CEP170B: variants seen among roughly 807,000 people sequenced by gnomAD.
CEP170B encodes the protein centrosomal protein of 170 kDa protein B.
A neutral mutation model predicts 120.6 loss-of-function variants in CEP170B; 55 were observed. The observed-to-expected ratio is 0.46, with a 90% CI of 0.37 to 0.57. The LOEUF is 0.57. CEP170B is among the 20% of genes least tolerant of loss of function. The pLI, the probability that CEP170B is intolerant of heterozygous loss-of-function variation, is 0.00. For missense variants in CEP170B, 2,212 were observed against 2,253.3 expected (o/e 0.98, Z 0.37); for synonymous variants, 1,033 against 954.5 (o/e 1.08, Z -1.52).
intron 2 of CEP170B, among the ~76,000 whole-genome samples, chr14:104,875,626 G>C (rs142894522): frequency 1.0e-3 from 157 of 152,250 alleles, no homozygotes; most frequent in Non-Finnish European, 1.7e-3. Flanking sequence ...AGCCGTGCTC[G>C]CAGCGCTTAA....
rs537422917 is a variant in CEP170B, at chr14:104,895,113, C to T, written c.*155C>T. ...GGTGCCTCCCACGCCCTTGCCCCCT[C>T]GTCAGCTCCCAGCCAGCACCCTACT... On this transcript the variant is annotated 3_prime_UTR_variant, in exon 19 of 19. Coordinates refer to ENST00000414716, the MANE Select transcript of CEP170B (RefSeq NM_001112726.3). The T allele has an allele frequency of 7.6e-5, 62 of 815,100 alleles. 2 individuals are homozygous for T. The South Asian group carries it at 1.0e-3, about 13-fold the overall frequency. The allele number at this position is 815,100 out of a possible 1,614,324, so 50.5% of individuals were successfully genotyped here. A position where few individuals can be genotyped will look rare whatever the true frequency, so the allele number is the denominator to read the frequency against.
At position 104,867,748 on chromosome 14, in the gene CEP170B, T is replaced by C. The variant is rs1895270264; in HGVS notation, c.-27-676T>C. Among the ~76,000 whole-genome samples the C allele has an allele frequency of 6.6e-6, 1 of 152,158 alleles. No individual in the cohort carries two copies. Among genetic ancestry groups the C allele is most frequent in the Non-Finnish European group, 1.5e-5 (1 of 68,012 alleles). On this transcript the variant is annotated intron_variant, in intron 1 of 18. Coordinates refer to ENST00000414716, the MANE Select transcript of CEP170B (RefSeq NM_001112726.3). The surrounding 1 kb of genome is among the most constrained non-coding windows in gnomAD (Gnocchi z 5.4). ...CTCTTTGTTGATGTCACTGGGACTA[T>C]GGGCACCAAAGCCTCACTTCCCTCT...
chr14:104,892,470 C>G (rs1896891712), intron 13 of CEP170B, among the ~76,000 whole-genome samples: 1 of 152,008 alleles, frequency 6.6e-6, no homozygotes, highest in South Asian at 2.1e-4. Context: ...CTGCCCAGCC[C>G]CACCCTCTGC....
At position 104,895,004 on chromosome 14, in the gene CEP170B, G is replaced by T; in HGVS notation, c.*46G>T. The T allele has an allele frequency of 6.8e-7, 1 of 1,467,970 alleles. No homozygotes were observed. 90.9% of individuals were successfully genotyped at this position (1,467,970 alleles called of 1,614,324 possible). ...AGCCTCCCTGTGCGTGTGCGTCTCT[G>T]CCTTCCGTCCGCCGCACACCCGCCT... is the stretch of plus-strand genomic sequence containing the variant. On this transcript the variant is annotated 3_prime_UTR_variant, in exon 19 of 19. Transcript: ENST00000414716.
In CEP170B at chr14:104,883,234, G is replaced by C. The variant is rs752495868; in HGVS notation, c.777G>C (p.Ala259=). The C allele has an allele frequency of 2.5e-6, 4 of 1,610,768 alleles. No homozygotes were observed. The highest frequency in any genetic ancestry group is 3.4e-6 in the Non-Finnish European group (4 of 1,179,446). Residue 259 remains alanine (A), a synonymous_variant, in exon 8 of 19, where the codon GCG becomes GCC. Coordinates refer to ENST00000414716, the MANE Select transcript of CEP170B (RefSeq NM_001112726.3). Reference sequence around the variant, plus strand: ...ATGCAGAGGCAGGTGGGGGCGGAGCGGCCCCTGTGGTGCAGAGCCACGCCT... The same window carrying C: ...ATGCAGAGGCAGGTGGGGGCGGAGCCGCCCCTGTGGTGCAGAGCCACGCCT... ...TKDAEAGGGG[A]APVVQSHASF...
Position 104,895,065 on chromosome 14 carries a change from CAT to C in CEP170B, c.*108_*109del. On this transcript the variant is annotated 3_prime_UTR_variant, in exon 19 of 19. Coordinates refer to ENST00000414716, the MANE Select transcript of CEP170B (RefSeq NM_001112726.3). ...AGGTGGTTCTCCCTGAAGACCCCCA[CAT>C]GTGCCATATCCCTGTGGGCGGGTGC... The C allele has an allele frequency of 7.7e-7, 1 of 1,294,620 alleles. No homozygotes were observed. The highest frequency in any genetic ancestry group is 1.0e-6 in the Non-Finnish European group (1 of 963,090). The allele number at this position is 1,294,620 out of a possible 1,614,324, so 80.2% of individuals were successfully genotyped here.
At chr14:104,878,730 C>T (rs1377132053) in intron 5 of CEP170B, among the ~76,000 whole-genome samples, 7 of 152,200 alleles carry the variant, frequency 4.6e-5, no homozygotes, top group Admixed American at 1.3e-4. Context: ...TGACAGGTGG[C>T]GGGGGCACCG....
intron 2 of CEP170B, among the ~76,000 whole-genome samples, chr14:104,871,019 G>A (rs1001552930): frequency 1.8e-4 from 26 of 146,242 alleles, no homozygotes; most frequent in African/African-American, 6.7e-4. Context: ...ACAGCCCCAT[G>A]TCCAGCCCCT....
rs1032956772 is a variant in CEP170B, at chr14:104,870,878, G to A, written c.105+2323G>A. On this transcript the variant is annotated intron_variant, in intron 2 of 18. Coordinates refer to ENST00000414716, the MANE Select transcript of CEP170B (RefSeq NM_001112726.3). This position sits in a 1 kb window ranked among gnomAD's most constrained non-coding sequence, Gnocchi z 4.1. ...CTCAGGGAGGCCTTGCAGGTGTGGC[G>A]AGTGTGGGAAGGCTGTCTGCCTCCC... 5.9e-5 allele frequency among the ~76,000 whole-genome samples: 9 copies of A among 152,020 alleles called. No homozygotes were observed. The highest frequency in any genetic ancestry group is 1.2e-4 in the Non-Finnish European group (8 of 67,972).
At position 104,884,967 on chromosome 14, in the gene CEP170B, G is replaced by A. The variant is rs1396862475; in HGVS notation, c.1771-402G>A. On this transcript the variant is annotated intron_variant, in intron 9 of 18. Transcript: ENST00000414716. ...GGGAACGGGGGGTGGAGGCGATGCC[G>A]GGGGTGGCGAGTGAGAGCCCTCGTG... 1.3e-3 allele frequency among the ~76,000 whole-genome samples: 165 copies of A among 124,432 alleles called. 1 individual carries two copies. The highest frequency in any genetic ancestry group is 4.4e-3 in the African/African-American group (146 of 33,366). The allele number at this position is 124,432 out of a possible 152,430, so 81.6% of individuals were successfully genotyped here.
rs61995991 is a variant in CEP170B at position 104,872,428 on chromosome 14, C to T, written c.106-3828C>T. ...GTGGGTGTGCCGTGGGTGTGCCGTG[C>T]GTGTGTGCGTGTGTGTGCCATGTGT... is the stretch of plus-strand genomic sequence containing the variant. On this transcript the variant is annotated intron_variant, in intron 2 of 18. Coordinates refer to ENST00000414716, the MANE Select transcript of CEP170B (RefSeq NM_001112726.3). 4.4e-4 allele frequency among the ~76,000 whole-genome samples: 13 copies of T among 29,216 alleles called. 1 individual carries two copies. In the South Asian group the frequency reaches 9.4e-3, roughly 21 times the overall value. The allele number at this position is 29,216 out of a possible 152,430, so 19.2% of individuals were successfully genotyped here.
In CEP170B at chr14:104,887,621, C is replaced by T. The variant is rs374805591; in HGVS notation, c.3382C>T (p.Arg1128Trp). ...PRPTRASRLR[R>W]ARLGDASDTE... The stretch of plus-strand genomic sequence containing the variant: ...CCCCACACGGGCCTCCCGGCTGAGG[C>T]GGGCCCGGCTGGGGGACGCTTCAGA... The change falls in exon 12 of 19, where the codon CGG (arginine) becomes TGG (tryptophan). Residue 1128 changes from arginine (R) to tryptophan (W), a missense_variant. This residue lies in a region of CEP170B where 2,166 missense variants were observed against 2,166.7 expected (regional missense o/e 1.00). Transcript: ENST00000414716. The T allele has an allele frequency of 1.8e-5, 29 of 1,571,738 alleles. No individual in the cohort carries two copies. The East Asian group carries it at 3.5e-4, about 19-fold the overall frequency.
chr14:104,880,590 C>T (rs964361877), intron 6 of CEP170B, among the ~76,000 whole-genome samples, 165 bp downstream of exon 6: 2 of 152,004 alleles, frequency 1.3e-5, no homozygotes, highest in Non-Finnish European at 2.9e-5. Flanking sequence ...ACACCCCTCA[C>T]CCATTGTGCA....
rs1982230 is a variant in CEP170B, at chr14:104,880,808, A to C, written c.472+383A>C. Among the ~76,000 whole-genome samples the C allele has an allele frequency of 2.0e-3, 306 of 149,594 alleles. 2 individuals are homozygous for C. The highest frequency in any genetic ancestry group is 7.4e-3 in the African/African-American group (296 of 40,204). The stretch of plus-strand genomic sequence containing the variant: ...ACTGCTGTGCACAGACCTATCATGC[A>C]CACCCATACTGCTCACCCCTGTGCA... On this transcript the variant is annotated intron_variant, in intron 6 of 18. Transcript: ENST00000414716.
intron 2 of CEP170B, among the ~76,000 whole-genome samples, chr14:104,869,663 G>C (rs1273388329): frequency 6.6e-6 from 1 of 152,176 alleles, no homozygotes; most frequent in Non-Finnish European, 1.5e-5. Flanking sequence ...AGGGCGTGAG[G>C]CTTTGCCCTT....
Position 104,884,007 on chromosome 14 carries a change from G to A in CEP170B, c.1228G>A (p.Asp410Asn), listed in dbSNP as rs538814557. Residue 410 changes from aspartate to asparagine, a missense_variant, in exon 9 of 19, where the codon GAC (aspartate) becomes AAC (asparagine). By Grantham distance (23) the Asp-to-Asn change is conservative. This residue lies in a region of CEP170B where 2,166 missense variants were observed against 2,166.7 expected (regional missense o/e 1.00). Coordinates refer to ENST00000414716, the MANE Select transcript of CEP170B (RefSeq NM_001112726.3). ...GCAGGCCTTTGTCATCGAGTTCTTC[G>A]ACGAGGACACACCCCGAAAGAAGCG... Reference protein sequence around the residue: ...NQQAFVIEFFDEDTPRKKRSQ... With the variant: ...NQQAFVIEFFNEDTPRKKRSQ... The A allele has an allele frequency of 1.2e-5, 20 of 1,611,036 alleles. No homozygotes were observed. Among genetic ancestry groups the A allele is most frequent in the Middle Eastern group, 1.7e-4 (1 of 6,056 alleles).
rs1896921516 is a variant in CEP170B, at chr14:104,893,039, G to A, written c.3942G>A (p.Gly1314=). 1 of 1,593,860 alleles carries A rather than the reference G, an allele frequency of 6.3e-7. No individual in the cohort carries two copies. Among genetic ancestry groups the A allele is most frequent in the Non-Finnish European group, 8.5e-7 (1 of 1,171,858 alleles). Residue 1314 remains glycine (G), a synonymous_variant, in exon 14 of 19, where the codon GGG becomes GGA. Transcript: ENST00000414716. ...ILAQEIHDVA[G]DGDTLGSSEP... is the part of the protein sequence containing the mutation. ...CCCAGGAGATCCACGATGTGGCTGGGGACGGTGACACACTGGGCTCCTCGG... is the reference window on the plus strand; with the variant it reads ...CCCAGGAGATCCACGATGTGGCTGGAGACGGTGACACACTGGGCTCCTCGG...
In CEP170B at chr14:104,886,622, G is replaced by A. The variant is rs773284189; in HGVS notation, c.2383G>A (p.Ala795Thr). 2.0e-5 allele frequency: 31 copies of A among 1,521,756 alleles called. No individual in the cohort carries two copies. The highest frequency in any genetic ancestry group is 1.1e-4 in the East Asian group (5 of 44,178). 94.3% of individuals were successfully genotyped at this position (1,521,756 alleles called of 1,614,324 possible). Residue 795 changes from alanine (A) to threonine (T), a missense_variant, in exon 12 of 19, where the codon GCC (alanine) becomes ACC (threonine). Physicochemically the swap from Ala to Thr is moderately conservative, Grantham distance 58. Around this residue, in one of 2 missense-constraint regions of CEP170B, gnomAD observed 2,166 missense variants for 2,166.7 expected, o/e 1.00. Coordinates refer to ENST00000414716, the MANE Select transcript of CEP170B (RefSeq NM_001112726.3). ...AAGGGCCCCCGGGGAGCCAACTCCC[G>A]CCTCTTTCTTCATTGGGGACCAGAA... ...SPRAPGEPTP[A>T]SFFIGDQNGD...
intron 6 of CEP170B, among the ~76,000 whole-genome samples, chr14:104,881,748 T>C (rs1896167368): frequency 6.6e-6 from 1 of 152,142 alleles, no homozygotes; most frequent in Admixed American, 6.5e-5. Context: ...GACTGCCTGG[T>C]AGCAGATGCC....
Sources: allele counts gnomAD v4.1 joint callset (sites outside exome capture counted in the v4.1 genomes callset), GRCh38; gene constraint gnomAD v4.1.1; regional missense constraint gnomAD v4.1.1; non-coding constraint Gnocchi (gnomAD v3.1); transcripts MANE v1.5; gene names NCBI Gene and HGNC (gene_info 2026-07-23, HGNC 2026-07-21).